MAP3K13: variants seen among roughly 807,000 people sequenced by gnomAD.
MAP3K13 encodes leucine zipper-bearing kinase.
A neutral mutation model predicts 104.0 loss-of-function variants in MAP3K13; 52 were observed. The observed-to-expected ratio is 0.50, with a 90% confidence interval of 0.40 to 0.63. The LOEUF (loss-of-function observed/expected upper bound fraction) is 0.63. MAP3K13 is among the 20% of genes least tolerant of loss of function. The pLI is 0.00. For synonymous variants in MAP3K13, 394 were observed against 442.2 expected (o/e 0.89, Z 1.37); for missense variants, 914 against 1,218.5 (o/e 0.75, Z 3.72).
intron 2 of MAP3K13, among the ~76,000 whole-genome samples, chr3:185,344,153 G>A (rs918621407): frequency 1.3e-5 from 2 of 152,198 alleles, no homozygotes; most frequent in Non-Finnish European, 2.9e-5. Context: ...GTGGGAAAGA[G>A]TGCCACCATC....
chr3:185,349,767 G>A (rs1049572521), intron 2 of MAP3K13, among the ~76,000 whole-genome samples: 5 of 152,170 alleles, frequency 3.3e-5, no homozygotes, highest in African/African-American at 1.2e-4. Flanking sequence ...TCTCCTGAAT[G>A]AATAAATGAA....
intron 2 of MAP3K13, among the ~76,000 whole-genome samples, chr3:185,348,052 A>G (rs1347895439): frequency 1.3e-5 from 2 of 151,938 alleles, no homozygotes; most frequent in Non-Finnish European, 2.9e-5. Context: ...AAAAAGAAAT[A>G]TAAATGTAGC....
At chr3:185,385,294 G>A (rs909578911) in intron 1 of MAP3K13, among the ~76,000 whole-genome samples, 7 of 152,128 alleles carry the variant, frequency 4.6e-5, no homozygotes, top group African/African-American at 1.7e-4. Context: ...GGGATTACAG[G>A]CATGCACCAC....
At chr3:185,469,096 C>A (rs964964009) in intron 10 of MAP3K13, among the ~76,000 whole-genome samples, 5 of 152,118 alleles carry the variant, frequency 3.3e-5, no homozygotes, top group Non-Finnish European at 7.4e-5. Context: ...TGAAGGACTT[C>A]CGTTTCAGAT....
intron 2 of MAP3K13, among the ~76,000 whole-genome samples, chr3:185,332,592 T>C (rs1416369755): frequency 6.6e-6 from 1 of 152,224 alleles, no homozygotes; most frequent in Non-Finnish European, 1.5e-5. Context: ...TTCTACTTTC[T>C]GTTTCAATGA....
At chr3:185,356,326 A>G (rs947548083) in intron 2 of MAP3K13, among the ~76,000 whole-genome samples, 1 of 152,238 alleles carries the variant, frequency 6.6e-6, no homozygotes, top group Non-Finnish European at 1.5e-5. Context: ...CATTGTGTTA[A>G]TAAGTACTCT....
At chr3:185,311,423 A>G (rs1238823740) in intron 2 of MAP3K13, among the ~76,000 whole-genome samples, 1 of 152,166 alleles carries the variant, frequency 6.6e-6, no homozygotes, top group Non-Finnish European at 1.5e-5. Flanking sequence ...AGCCCCCATG[A>G]TTCAATTACC....
At chr3:185,284,925 G>A (rs1720454682) in intron 1 of MAP3K13, among the ~76,000 whole-genome samples, 1 of 152,066 alleles carries the variant, frequency 6.6e-6, no homozygotes, top group Admixed American at 6.6e-5. Context: ...CTAGTCCAGT[G>A]AGGTGAATGT....
chr3:185,454,883 G>GATATATATATGAGATATATATC (rs1560117781), intron 7 of MAP3K13, among the ~76,000 whole-genome samples: 554 of 25,614 alleles, frequency 0.022, 79 homozygotes, highest in Admixed American at 0.048. Flanking sequence ...ATATATATAT[G>GATATATATATGAGATATATATC]ATATATATAT....
At chr3:185,290,958 A>G (rs1267549346) in intron 2 of MAP3K13, among the ~76,000 whole-genome samples, 1 of 152,216 alleles carries the variant, frequency 6.6e-6, no homozygotes. Flanking sequence ...CCTGAGGGAC[A>G]GAGGCCTCTG....
chr3:185,396,516 C>T (rs1446047871), intron 1 of MAP3K13, among the ~76,000 whole-genome samples: 1 of 152,096 alleles, frequency 6.6e-6, no homozygotes, highest in Non-Finnish European at 1.5e-5. Context: ...CAATTTTCCT[C>T]AAAGAAAGAT....
intron 2 of MAP3K13, among the ~76,000 whole-genome samples, chr3:185,340,699 G>C (rs535077996): frequency 1.3e-5 from 2 of 152,166 alleles, no homozygotes; most frequent in Non-Finnish European, 2.9e-5. Flanking sequence ...ATTAGATCAC[G>C]GGGGTAGTTT....
intron 2 of MAP3K13, among the ~76,000 whole-genome samples, chr3:185,321,459 A>T (rs11926209): frequency 1.3e-5 from 2 of 152,098 alleles, no homozygotes; most frequent in Non-Finnish European, 2.9e-5. Context: ...AATGAGACTC[A>T]ATAGCAAAAT....
chr3:185,325,991 C>G lies in MAP3K13; in HGVS notation c.-86+40348C>G, dbSNP rs1457647257. On this transcript the variant is annotated intron_variant, in intron 2 of 14. Transcript: ENST00000424227. ...ACGCTTGGTTCCTTCGCTTGAAACA[C>G]TGTTTCTTCCCCTCACTCCTCAGTT... Among the ~76,000 whole-genome samples the G allele has an allele frequency of 2.6e-5, 4 of 152,174 alleles. No homozygotes were observed. In the East Asian group the frequency reaches 7.7e-4, roughly 29 times the overall value.
chr3:185,363,668 G>C (rs1286014722), intron 1 of MAP3K13, among the ~76,000 whole-genome samples: 1 of 152,230 alleles, frequency 6.6e-6, no homozygotes, highest in African/African-American at 2.4e-5. Context: ...ATTTCTCTGA[G>C]AGATGATGTG....
intron 2 of MAP3K13, among the ~76,000 whole-genome samples, chr3:185,347,614 G>A (rs1722975372): frequency 6.6e-6 from 1 of 152,152 alleles, no homozygotes; most frequent in Non-Finnish European, 1.5e-5. Flanking sequence ...GCAGCAGAAA[G>A]CATTCTTTCA....
chr3:185,466,870 G>A lies in MAP3K13; in HGVS notation c.1550G>A (p.Arg517Gln), dbSNP rs369470313. Residue 517 changes from arginine to glutamine, a missense_variant, in exon 10 of 14, where the codon CGA (arginine) becomes CAA (glutamine). By Grantham distance (43) the Arg-to-Gln change is conservative. Around this residue, in one of 3 missense-constraint regions of MAP3K13, gnomAD observed 583 missense variants for 737.4 expected, o/e 0.79. Transcript: ENST00000265026. ...VEKKYPGTYK[R>Q]HPVRPIIHPN... ...AAGAAGTATCCTGGGACCTACAAACGACACCCTGTTCGTCCTATCATCCAT... is the reference window on the plus strand; with the variant it reads ...AAGAAGTATCCTGGGACCTACAAACAACACCCTGTTCGTCCTATCATCCAT... 4.7e-5 allele frequency: 76 copies of A among 1,613,796 alleles called. No homozygotes were observed. The highest frequency in any genetic ancestry group is 5.7e-5 in the Non-Finnish European group (67 of 1,179,872).
At chr3:185,466,666 C>T (rs1300471386) in intron 9 of MAP3K13, among the ~76,000 whole-genome samples, 160 bp from the exon 10 acceptor site, 2 of 152,066 alleles carry the variant, frequency 1.3e-5, no homozygotes, top group African/African-American at 2.4e-5. Flanking sequence ...CCTGAGCCAC[C>T]GAGCCCGGCT....
intron 1 of MAP3K13, 69 bp from the exon 2 acceptor site, chr3:185,428,428 C>G (rs548924225): frequency 1.0e-6 from 1 of 999,752 alleles, no homozygotes; most frequent in South Asian, 2.5e-5. Flanking sequence ...TTTTTTAATG[C>G]AAACAGAAGT....
Sources: allele counts gnomAD v4.1 joint callset (sites outside exome capture counted in the v4.1 genomes callset), GRCh38; gene constraint gnomAD v4.1.1; regional missense constraint gnomAD v4.1.1; transcripts MANE v1.5; gene names NCBI Gene and HGNC (gene_info 2026-07-23, HGNC 2026-07-21).